TMIGD3: variants seen among roughly 807,000 people sequenced by gnomAD.
The protein encoded by TMIGD3 is transmembrane and immunoglobulin domain containing 3.
TMIGD3 carries 21 observed loss-of-function variants against 28.1 expected under a neutral mutation model. That is an observed-to-expected ratio of 0.75 (90% CI 0.53 to 1.08). The LOEUF is 1.08. Among genes scored for constraint, TMIGD3 ranks in the 50% least tolerant of loss-of-function variants. TMIGD3 has a pLI of 0.00. For synonymous variants in TMIGD3, 151 were observed against 162.1 expected (o/e 0.93, Z 0.52); for missense variants, 416 against 435.6 (o/e 0.96, Z 0.40).
intron 1 of TMIGD3, 102 bp downstream of exon 1, chr1:111,502,903 G>A (rs1571416834): frequency 7.0e-7 from 1 of 1,430,688 alleles, no homozygotes; most frequent in African/African-American, 1.4e-5. Flanking sequence ...CAACATCAAG[G>A]GCCAATTTGG....
chr1:111,549,323 T>C (rs574929401), intron 1 of TMIGD3, among the ~76,000 whole-genome samples: 13 of 151,910 alleles, frequency 8.6e-5, no homozygotes, highest in African/African-American at 2.9e-4. Context: ...TTTTTTTTTT[T>C]TTCTTGTCTT....
intron 2 of TMIGD3, chr1:111,490,285 C>T (rs935646920): frequency 5.9e-5 from 11 of 186,200 alleles, no homozygotes; most frequent in African/African-American, 1.7e-4. Flanking sequence ...ACAGAGCTCT[C>T]GTTTTATTTT....
intron 1 of TMIGD3, among the ~76,000 whole-genome samples, chr1:111,559,637 T>C (rs1657650138): frequency 2.0e-5 from 3 of 152,212 alleles, no homozygotes; most frequent in Non-Finnish European, 2.9e-5. Context: ...TTTGGGAAAG[T>C]ATAAGCATTA....
rs532432954 is a variant in TMIGD3, at chr1:111,563,754, C to G, written c.107+92G>C. ...AAAGCATTGATTAAGTAGCTTGCCCCATATCATGAATAAATGTTCCAAAGT... is the reference window on the plus strand; with the variant it reads ...AAAGCATTGATTAAGTAGCTTGCCCGATATCATGAATAAATGTTCCAAAGT... On this transcript the variant is annotated intron_variant, in intron 1 of 5. Transcript: ENST00000369717. 7 of 875,142 alleles carry G rather than the reference C, an allele frequency of 8.0e-6. No individual in the cohort carries two copies. The South Asian group carries it at 1.0e-4, about 13-fold the overall frequency. The allele number at this position is 875,142 out of a possible 1,614,324, so 54.2% of individuals were successfully genotyped here. A position where few individuals can be genotyped will look rare whatever the true frequency, so the allele number is the denominator to read the frequency against.
intron 1 of TMIGD3, among the ~76,000 whole-genome samples, chr1:111,558,751 A>G (rs1177617795): frequency 6.6e-6 from 1 of 152,206 alleles, no homozygotes; most frequent in African/African-American, 2.4e-5. Context: ...TAAACTATGT[A>G]AAGTAAAAAA....
intron 3 of TMIGD3, among the ~76,000 whole-genome samples, chr1:111,486,978 T>C (rs1654406887): frequency 6.6e-6 from 1 of 152,140 alleles, no homozygotes; most frequent in Non-Finnish European, 1.5e-5. Flanking sequence ...GGCCCATAGT[T>C]ACAGTCCTAA....
intron 1 of TMIGD3, among the ~76,000 whole-genome samples, chr1:111,513,048 C>CCCCAG (rs1156731256): frequency 6.6e-6 from 1 of 152,204 alleles, no homozygotes; most frequent in Non-Finnish European, 1.5e-5. Flanking sequence ...GGAAAGGCTG[C>CCCCAG]CCCAGGTCTG....
At chr1:111,499,322 G>A in intron 1 of TMIGD3, 2 of 616,210 alleles carry the variant, frequency 3.2e-6, no homozygotes, top group Non-Finnish European at 4.1e-6. Context: ...AGAGTAAGAA[G>A]GTGAGTATGC....
chr1:111,524,028 CTTT>C (rs35046603), intron 1 of TMIGD3, among the ~76,000 whole-genome samples: 29 of 108,742 alleles, frequency 2.7e-4, no homozygotes, highest in South Asian at 1.3e-3. Context: ...TCTTTCTTTT[CTTT>C]TTTTTTTTTT....
At chr1:111,492,753 G>T (rs1387387028) in intron 1 of TMIGD3, among the ~76,000 whole-genome samples, 1 of 149,864 alleles carries the variant, frequency 6.7e-6, no homozygotes, top group Non-Finnish European at 1.5e-5. Flanking sequence ...GGCGGAGGTT[G>T]CAGTAAGCCG....
chr1:111,487,586 AAGG>A (rs1235866506), intron 3 of TMIGD3, among the ~76,000 whole-genome samples: 3 of 152,056 alleles, frequency 2.0e-5, no homozygotes, highest in African/African-American at 7.2e-5. Flanking sequence ...TCTGGTGCAA[AAGG>A]AGATTTTCAT....
intron 1 of TMIGD3, among the ~76,000 whole-genome samples, chr1:111,531,616 C>T (rs576361540): frequency 6.6e-6 from 1 of 152,278 alleles, no homozygotes; most frequent in East Asian, 1.9e-4. Flanking sequence ...GATTTCTGTT[C>T]CTTTACATGC....
At chr1:111,485,886 C>G in intron 4 of TMIGD3, 46 bp from the exon 5 acceptor site, 1 of 1,462,798 alleles carries the variant, frequency 6.8e-7, no homozygotes, top group South Asian at 1.2e-5. Context: ...AAGAAACTGC[C>G]TATTGATTCT....
intron 1 of TMIGD3, among the ~76,000 whole-genome samples, chr1:111,535,671 A>G (rs539209777): frequency 3.3e-4 from 51 of 152,368 alleles, no homozygotes; most frequent in African/African-American, 1.2e-3. Flanking sequence ...ACATGTGCCA[A>G]TGAGGGCCGA....
chr1:111,502,238 AG>A (rs1264638919), intron 1 of TMIGD3, among the ~76,000 whole-genome samples: 1 of 35,314 alleles, frequency 2.8e-5, no homozygotes, highest in Admixed American at 4.1e-4. Context: ...ATGAATATAT[AG>A]GATATATTTA....
At chr1:111,503,835 G>C, upstream of TMIGD3, 1 of 999,192 alleles carries the variant, frequency 1.0e-6, no homozygotes, top group Middle Eastern at 5.2e-4. Flanking sequence ...GCCATGAGTG[G>C]CATAGAGAAG....
At chr1:111,499,957 G>C in intron 1 of TMIGD3, 2 of 1,613,814 alleles carry the variant, frequency 1.2e-6, no homozygotes, top group Non-Finnish European at 1.7e-6. Context: ...TAACTACTCA[G>C]AATTCTTCTC....
At chr1:111,522,408 C>A (rs1289845902) in intron 1 of TMIGD3, among the ~76,000 whole-genome samples, 1 of 152,156 alleles carries the variant, frequency 6.6e-6, no homozygotes, top group East Asian at 1.9e-4. Context: ...CACATCATAT[C>A]TCTCCACTTT....
rs1447889975 is a variant in TMIGD3, at chr1:111,502,418, ATATATAGGATACATATATTTATTATAATG to A, written c.350+558_350+586del. Among the ~76,000 whole-genome samples, 196 of 141,812 alleles carry A rather than the reference ATATATAGGATACATATATTTATTATAATG, an allele frequency of 1.4e-3. 1 individual carries two copies. Among genetic ancestry groups the A allele is most frequent in the Middle Eastern group, 8.0e-3 (2 of 250 alleles). 93.0% of individuals were successfully genotyped at this position (141,812 alleles called of 152,430 possible). On this transcript the variant is annotated intron_variant, in intron 1 of 5. Transcript: ENST00000369716. The stretch of plus-strand genomic sequence containing the variant: ...GATACATATATTTATTATAGTGAAT[ATATATAGGATACATATATTTATTATAATG>A]AATATATATAGGATACATATATTTA...
Sources: gnomAD v4.1 joint callset for allele counts (sites outside exome capture counted in the v4.1 genomes callset) on GRCh38, gnomAD v4.1.1 for gene constraint, MANE v1.5 for transcripts, NCBI Gene and HGNC (gene_info 2026-07-23, HGNC 2026-07-21) for gene names.